Variants in GRIA1 observed in about 807,000 individuals in gnomAD.
GRIA1 encodes glutamate ionotropic receptor AMPA type subunit 1, also known as glutamate receptor 1.
In GRIA1, 31 loss-of-function variants were observed where a neutral mutation model predicts 99.2. The observed-to-expected ratio is 0.31, with a 90% confidence interval of 0.23 to 0.42. GRIA1 has a LOEUF of 0.42. GRIA1 is among the 10% of genes least tolerant of loss of function. GRIA1 has a pLI of 1.00. For missense variants in GRIA1, 782 were observed against 1,157.5 expected, an observed-to-expected ratio of 0.68 and a Z score of 4.71; for synonymous variants, 438 against 432.4, an observed-to-expected ratio of 1.01 and a Z score of -0.16.
chr5:153,772,734 A>G (rs1181682686), intron 13 of GRIA1, among the ~76,000 whole-genome samples: 1 of 152,196 alleles, frequency 6.6e-6, no homozygotes, highest in Non-Finnish European at 1.5e-5. Context: ...GTGTTTGGCA[A>G]CGAAGAGGCT....
intron 2 of GRIA1, among the ~76,000 whole-genome samples, chr5:153,585,336 T>A (rs1384245203): frequency 2.9e-5 from 4 of 137,074 alleles, no homozygotes; most frequent in African/African-American, 1.1e-4. Flanking sequence ...TGAGACAGAC[T>A]CTTGCTCTGT....
rs558947018 is a variant in GRIA1 at position 153,808,911 on chromosome 5, T to C, written c.2521-2114T>C. On this transcript the variant is annotated intron_variant, in intron 15 of 15. Coordinates refer to ENST00000285900, the MANE Select transcript of GRIA1 (RefSeq NM_000827.4). ...CGAGATTTTTAGTTACATGCCTGGC[T>C]AAATTATCTCAGACTTTGGCAAGCA... 7.2e-5 allele frequency among the ~76,000 whole-genome samples: 11 copies of C among 152,382 alleles called. No individual in the cohort carries two copies. In the East Asian group the frequency reaches 2.1e-3, roughly 29 times the overall value.
intron 4 of GRIA1, among the ~76,000 whole-genome samples, chr5:153,655,454 A>C (rs1754870871): frequency 6.6e-6 from 1 of 152,182 alleles, no homozygotes; most frequent in Non-Finnish European, 1.5e-5. Flanking sequence ...AAGAATCTCC[A>C]CATACAAGGA....
intron 7 of GRIA1, among the ~76,000 whole-genome samples, chr5:153,683,897 T>TA (rs1297053355): frequency 1.3e-5 from 2 of 152,168 alleles, no homozygotes; most frequent in Non-Finnish European, 2.9e-5. Context: ...GTCATACAGT[T>TA]AGAATGAGCA....
At chr5:153,606,363 A>G (rs1400534833) in intron 2 of GRIA1, among the ~76,000 whole-genome samples, 2 of 152,036 alleles carry the variant, frequency 1.3e-5, no homozygotes, top group Non-Finnish European at 2.9e-5. Flanking sequence ...CCCTTTTTCA[A>G]AATTGTTTTG....
chr5:153,611,146 T>C (rs1400042664), intron 2 of GRIA1, among the ~76,000 whole-genome samples: 1 of 152,232 alleles, frequency 6.6e-6, no homozygotes, highest in Non-Finnish European at 1.5e-5. Context: ...TTAAAAAGCT[T>C]GCCACTACGT....
intron 13 of GRIA1, among the ~76,000 whole-genome samples, chr5:153,778,282 T>C (rs1017243736): frequency 3.3e-5 from 5 of 151,716 alleles, no homozygotes; most frequent in African/African-American, 9.7e-5. Flanking sequence ...TCAAGACATG[T>C]GGGATGCATT....
intron 11 of GRIA1, among the ~76,000 whole-genome samples, chr5:153,734,662 A>T (rs1761259432): frequency 6.6e-6 from 1 of 152,240 alleles, no homozygotes; most frequent in Non-Finnish European, 1.5e-5. Context: ...TCAAGAGAAG[A>T]GCCAGAATTT....
chr5:153,491,652 C>T (rs771255569), intron 1 of GRIA1, among the ~76,000 whole-genome samples: 1 of 152,056 alleles, frequency 6.6e-6, no homozygotes, highest in Non-Finnish European at 1.5e-5. Context: ...TCCTTCCTTG[C>T]CCCCTCCTCT....
intron 13 of GRIA1, among the ~76,000 whole-genome samples, chr5:153,788,235 T>A (rs370524379): frequency 6.6e-6 from 1 of 152,142 alleles, no homozygotes; most frequent in Non-Finnish European, 1.5e-5. Flanking sequence ...CAATCCCCCA[T>A]AACCAATCTA....
At chr5:153,771,465 G>C (rs1763878371) in intron 13 of GRIA1, among the ~76,000 whole-genome samples, 1 of 152,174 alleles carries the variant, frequency 6.6e-6, no homozygotes, top group African/African-American at 2.4e-5. Context: ...TCTGGGGACT[G>C]GGCTAGTAGC....
chr5:153,596,970 T>C (rs1764490281), intron 2 of GRIA1, among the ~76,000 whole-genome samples: 1 of 152,200 alleles, frequency 6.6e-6, no homozygotes, highest in Non-Finnish European at 1.5e-5. Context: ...TCTCTGGGAA[T>C]GGTCTGAGCT....
At position 153,728,096 on chromosome 5, in the gene GRIA1, T is replaced by G. The variant is rs1257936182; in HGVS notation, c.1823+22029T>G. Among the ~76,000 whole-genome samples the G allele has an allele frequency of 5.3e-5, 8 of 150,958 alleles. No individual in the cohort carries two copies. The East Asian group carries it at 7.9e-4, about 15-fold the overall frequency. On this transcript the variant is annotated intron_variant, in intron 11 of 15. Transcript: ENST00000285900. ...TAATGCCGCATATCTACAACTATCT[T>G]ATCTTTGATAAACCTGAGAAAAATA...
chr5:153,811,106 A>G lies in GRIA1; in HGVS notation c.2602A>G (p.Ser868Gly). The G allele has an allele frequency of 6.2e-7, 1 of 1,614,064 alleles. No individual in the cohort carries two copies. Among genetic ancestry groups the G allele is most frequent in the Non-Finnish European group, 8.5e-7 (1 of 1,179,910 alleles). ...CCCCCGCAACAGCGGGGCAGGAGCC[A>G]GCAGCGGCGGCAGTGGAGAGAATGG... ...TLPRNSGAGA[S>G]SGGSGENGRV... The change falls in exon 16 of 16, where the codon AGC (serine) becomes GGC (glycine). Residue 868 changes from serine to glycine, a missense_variant. Ser to Gly is a moderately conservative substitution (Grantham distance 56). Around this residue, in one of 5 missense-constraint regions of GRIA1, gnomAD observed 76 missense variants for 81.2 expected, o/e 0.94. Coordinates refer to ENST00000285900, the MANE Select transcript of GRIA1 (RefSeq NM_000827.4).
chr5:153,576,793 G>A (rs1055700106), intron 2 of GRIA1, among the ~76,000 whole-genome samples: 2 of 152,178 alleles, frequency 1.3e-5, no homozygotes, highest in East Asian at 3.8e-4. Flanking sequence ...GTGTGTGAAG[G>A]TTTTATTGCC....
chr5:153,770,015 G>A (rs1763766799), intron 12 of GRIA1, among the ~76,000 whole-genome samples, 153 bp from the exon 13 acceptor site: 1 of 152,092 alleles, frequency 6.6e-6, no homozygotes, highest in Non-Finnish European at 1.5e-5. Context: ...ACTAATTAGA[G>A]CCTCTTATTT....
intron 4 of GRIA1, among the ~76,000 whole-genome samples, chr5:153,651,785 T>A (rs1363674): frequency 0.41 from 61,694 of 152,032 alleles, 13,212 homozygotes; most frequent in Non-Finnish European, 0.45. Flanking sequence ...AACTTGTTCC[T>A]TTGAGATGGA....
intron 2 of GRIA1, among the ~76,000 whole-genome samples, chr5:153,560,882 A>G (rs1721463430): frequency 1.3e-5 from 2 of 152,232 alleles, no homozygotes; most frequent in South Asian, 2.1e-4. Context: ...GCAAAACAAT[A>G]GACTCCTACC....
intron 11 of GRIA1, among the ~76,000 whole-genome samples, chr5:153,728,237 A>G (rs1189717034): frequency 6.6e-6 from 1 of 152,168 alleles, no homozygotes; most frequent in African/African-American, 2.4e-5. Context: ...TTAATTCAAG[A>G]TGGATTAAAG....
Sources: allele counts gnomAD v4.1 joint callset (sites outside exome capture counted in the v4.1 genomes callset), GRCh38; gene constraint gnomAD v4.1.1; regional missense constraint gnomAD v4.1.1; transcripts MANE v1.5; gene names NCBI Gene and HGNC (gene_info 2026-07-23, HGNC 2026-07-21).